CLYBL: variants seen among roughly 807,000 people sequenced by gnomAD.
CLYBL encodes the protein citramalyl-CoA lyase, mitochondrial.
A neutral mutation model predicts 38.9 loss-of-function variants in CLYBL; 31 were observed. The ratio of observed to expected loss-of-function variants is 0.80; its 90% CI spans 0.60 to 1.08. The LOEUF is 1.08. CLYBL is among the 50% of genes least tolerant of loss of function. The pLI is 0.00. For missense variants in CLYBL, 434 were observed against 411.6 expected (o/e 1.05, Z -0.47); for synonymous variants, 171 against 158.6 (o/e 1.08, Z -0.59).
At chr13:99,758,428 A>G (rs2049105678) in intron 1 of CLYBL, among the ~76,000 whole-genome samples, 1 of 152,216 alleles carries the variant, frequency 6.6e-6, no homozygotes, top group African/African-American at 2.4e-5. Flanking sequence ...TTTTGAATAC[A>G]GTTACATATT....
chr13:99,829,115 C>G (rs1477505427), intron 2 of CLYBL, among the ~76,000 whole-genome samples: 1 of 152,192 alleles, frequency 6.6e-6, no homozygotes, highest in Non-Finnish European at 1.5e-5. Context: ...ACTCGAATCC[C>G]CTTTCCTTTC....
Position 99,817,677 on chromosome 13 carries a change from A to G in CLYBL, c.250-41184A>G, listed in dbSNP as rs1301892104. Among the ~76,000 whole-genome samples, 5 of 150,420 alleles carry G rather than the reference A, an allele frequency of 3.3e-5. No individual in the cohort carries two copies. In the East Asian group the frequency reaches 7.9e-4, roughly 24 times the overall value. On this transcript the variant is annotated intron_variant, in intron 2 of 8. Coordinates refer to ENST00000339105, the MANE Select transcript of CLYBL (RefSeq NM_206808.5). ...CTCAAAAAAAAAAAAAAAAAAAGAA[A>G]AGAAAAAAGAAAAGCACTGAGCTAA...
At chr13:99,857,881 C>G (rs1043257009) in intron 2 of CLYBL, among the ~76,000 whole-genome samples, 8 of 152,214 alleles carry the variant, frequency 5.3e-5, no homozygotes, top group Admixed American at 2.6e-4. Flanking sequence ...TCATAAAAAC[C>G]CTTCCCAAAT....
intron 1 of CLYBL, among the ~76,000 whole-genome samples, chr13:99,679,687 C>A (rs1319166675): frequency 6.6e-6 from 1 of 150,962 alleles, no homozygotes; most frequent in Non-Finnish European, 1.5e-5. Context: ...CCACAATCCA[C>A]TTTATATAAG....
At chr13:99,622,378 G>A (rs781589228) in intron 1 of CLYBL, among the ~76,000 whole-genome samples, 8 of 152,214 alleles carry the variant, frequency 5.3e-5, no homozygotes, top group Admixed American at 1.3e-4. Flanking sequence ...AATGGGCTGA[G>A]TTCCCTCATT....
At chr13:99,887,461 G>A (rs2052378853) in intron 7 of CLYBL, among the ~76,000 whole-genome samples, 1 of 152,348 alleles carries the variant, frequency 6.6e-6, no homozygotes, top group South Asian at 2.1e-4. Flanking sequence ...CAAACTCAGA[G>A]ACAGAAAGGA....
chr13:99,637,962 CTTTTT>C (rs34513643), intron 1 of CLYBL, among the ~76,000 whole-genome samples: 5 of 94,994 alleles, frequency 5.3e-5, no homozygotes, highest in Non-Finnish European at 7.9e-5. Context: ...TCAACAGTGC[CTTTTT>C]TTTTTTTTTT....
At chr13:99,905,966 G>C (rs1006414115) in intron 9 of CLYBL, among the ~76,000 whole-genome samples, 1 of 152,054 alleles carries the variant, frequency 6.6e-6, no homozygotes, top group African/African-American at 2.4e-5. Flanking sequence ...TAGAAACGGG[G>C]TCTCACCATG....
intron 2 of CLYBL, among the ~76,000 whole-genome samples, chr13:99,840,541 T>G (rs1441062877): frequency 6.6e-6 from 1 of 151,904 alleles, no homozygotes; most frequent in East Asian, 1.9e-4. Context: ...GGGAATTGCT[T>G]GGGCACAAGA....
chr13:99,651,024 AC>A (rs2047245875), intron 1 of CLYBL, among the ~76,000 whole-genome samples: 1 of 152,048 alleles, frequency 6.6e-6, no homozygotes, highest in African/African-American at 2.4e-5. Flanking sequence ...GCTTCTCCCT[AC>A]AGAGCCCTCC....
At position 99,609,395 on chromosome 13, in the gene CLYBL, T is replaced by C. The variant is rs182924225; in HGVS notation, c.62+2638T>C. 1.2e-3 allele frequency among the ~76,000 whole-genome samples: 188 copies of C among 152,232 alleles called. 2 individuals carry two copies. Among genetic ancestry groups the C allele is most frequent in the African/African-American group, 4.4e-3 (182 of 41,530 alleles). ...TTTCACCATGTTGGCCAGGATGGTC[T>C]CGATCTTCTGACCTCGTGATCCACC... On this transcript the variant is annotated intron_variant, in intron 1 of 8. Transcript: ENST00000339105.
At chr13:99,858,764 C>T in intron 2 of CLYBL, 97 bp from the exon 3 acceptor site, 1 of 789,146 alleles carries the variant, frequency 1.3e-6, no homozygotes, top group Non-Finnish European at 2.0e-6. Flanking sequence ...AATAATGGTG[C>T]TCAGACTCTG....
intron 1 of CLYBL, among the ~76,000 whole-genome samples, chr13:99,660,301 G>C (rs2047390485): frequency 6.6e-6 from 1 of 152,242 alleles, no homozygotes; most frequent in African/African-American, 2.4e-5. Flanking sequence ...CAATTGAACA[G>C]TGGTAGCCAA....
At chr13:99,681,476 A>G (rs2047733842) in intron 1 of CLYBL, among the ~76,000 whole-genome samples, 1 of 152,222 alleles carries the variant, frequency 6.6e-6, no homozygotes, top group Non-Finnish European at 1.5e-5. Flanking sequence ...GAGAGAGACC[A>G]AGAGAGACAG....
chr13:99,855,645 C>CTG lies in CLYBL; in HGVS notation c.250-3215_250-3214dup, dbSNP rs553027657. 2.2e-4 allele frequency among the ~76,000 whole-genome samples: 33 copies of CTG among 149,454 alleles called. No individual in the cohort carries two copies. In the East Asian group the frequency reaches 3.4e-3, roughly 15 times the overall value. On this transcript the variant is annotated intron_variant, in intron 2 of 8. Transcript: ENST00000339105. ...GAACAGAATTTCTTTCTTTTCACAACTGGGTGGACTGTGACTCTCTCGAAC... is the reference window on the plus strand; with the variant it reads ...GAACAGAATTTCTTTCTTTTCACAACTGTGGGTGGACTGTGACTCTCTCGAAC...
intron 2 of CLYBL, among the ~76,000 whole-genome samples, chr13:99,781,419 C>T (rs1465925679): frequency 6.6e-6 from 1 of 152,026 alleles, no homozygotes; most frequent in East Asian, 1.9e-4. Context: ...ATCTGCCCGC[C>T]TTGGCCTCCC....
intron 6 of CLYBL, 78 bp downstream of exon 6, chr13:99,866,485 C>T (rs1010541746): frequency 7.8e-7 from 1 of 1,275,660 alleles, no homozygotes; most frequent in Non-Finnish European, 1.1e-6. Flanking sequence ...CGAAAACACC[C>T]CTAATCTCAT....
chr13:99,860,831 G>C (rs1434986606), intron 3 of CLYBL, among the ~76,000 whole-genome samples: 5 of 152,222 alleles, frequency 3.3e-5, no homozygotes, highest in African/African-American at 1.2e-4. Flanking sequence ...GGGCTTACTT[G>C]TTTTCTTTTG....
At chr13:99,726,846 C>T (rs562302415) in intron 1 of CLYBL, among the ~76,000 whole-genome samples, 5 of 152,062 alleles carry the variant, frequency 3.3e-5, no homozygotes, top group African/African-American at 4.8e-5. Flanking sequence ...ACAAAAAAGG[C>T]GTGCAAGGAT....
Sources: gnomAD v4.1 joint callset for allele counts (sites outside exome capture counted in the v4.1 genomes callset) on GRCh38, gnomAD v4.1.1 for gene constraint, MANE v1.5 for transcripts, NCBI Gene and HGNC (gene_info 2026-07-23, HGNC 2026-07-21) for gene names.